The following RAB11FIP3 variants were observed in gnomAD, a reference collection of about 807,000 sequenced individuals.
The protein encoded by RAB11FIP3 is RAB11 family interacting protein 3.
Under a neutral mutation model 77.8 loss-of-function variants are expected in RAB11FIP3, and 17 were observed. That is an observed-to-expected ratio of 0.22 (90% confidence interval 0.15 to 0.33). The LOEUF (loss-of-function observed/expected upper bound fraction) is 0.33, where lower values mean the gene tolerates loss of function less well. RAB11FIP3 is among the 10% of genes least tolerant of loss of function. The pLI is 1.00. For synonymous variants in RAB11FIP3, 437 were observed against 448.2 expected, an observed-to-expected ratio of 0.98 and a Z score of 0.31; for missense variants, 1,005 against 1,011.2, an observed-to-expected ratio of 0.99 and a Z score of 0.08.
Position 432,910 on chromosome 16 carries a change from G to C in RAB11FIP3, c.714+6190G>C, listed in dbSNP as rs375084772. On this transcript the variant is annotated intron_variant, in intron 1 of 13. Coordinates refer to ENST00000262305, the MANE Select transcript of RAB11FIP3 (RefSeq NM_014700.4). ...TGAGCCATTGCCCCTAGCCTGAGCT[G>C]TTTCTTTTTAATTGATAGAAATATT... Among the ~76,000 whole-genome samples the C allele has an allele frequency of 4.1e-5, 6 of 146,602 alleles. No homozygotes were observed. The East Asian group carries it at 1.3e-3, about 31-fold the overall frequency.
chr16:461,362 T>A lies in RAB11FIP3; in HGVS notation c.715-42T>A. 1 of 1,545,910 alleles carries A rather than the reference T, an allele frequency of 6.5e-7. No individual in the cohort carries two copies. Among genetic ancestry groups the A allele is most frequent in the Non-Finnish European group, 8.9e-7 (1 of 1,126,892 alleles). Reference sequence around the variant, plus strand: ...GAGGTCCAGGGTTGGGGACCCCTGCTGTAAAGGCTTAGGGTAACCTAGTCT... The same window carrying A: ...GAGGTCCAGGGTTGGGGACCCCTGCAGTAAAGGCTTAGGGTAACCTAGTCT... On this transcript the variant is annotated intron_variant, in intron 1 of 13. Coordinates refer to ENST00000262305, the MANE Select transcript of RAB11FIP3 (RefSeq NM_014700.4). This position sits in a 1 kb window ranked among gnomAD's most constrained non-coding sequence, Gnocchi z 4.5.
chr16:447,991 AG>A (rs369284227), intron 1 of RAB11FIP3, among the ~76,000 whole-genome samples: 43 of 64,526 alleles, frequency 6.7e-4, no homozygotes, highest in East Asian at 1.1e-3. Context: ...AAAAGGAAAA[AG>A]AAAAAAAACT....
chr16:503,396 G>A lies in RAB11FIP3; in HGVS notation c.1395+299G>A, dbSNP rs188262494. On this transcript the variant is annotated intron_variant, in intron 7 of 13. Transcript: ENST00000262305. Reference sequence around the variant, plus strand: ...ATCCCACCCCCACTGTGTCTGAGTCGGGCTGGGGGACACCCAGACATTCAG... The same window carrying A: ...ATCCCACCCCCACTGTGTCTGAGTCAGGCTGGGGGACACCCAGACATTCAG... Among the ~76,000 whole-genome samples, 10 of 152,264 alleles carry A rather than the reference G, an allele frequency of 6.6e-5. No homozygotes were observed. The East Asian group carries it at 1.9e-3, about 29-fold the overall frequency.
At chr16:486,991 A>G (rs1458610767) in intron 4 of RAB11FIP3, among the ~76,000 whole-genome samples, 2 of 152,194 alleles carry the variant, frequency 1.3e-5, no homozygotes, top group Non-Finnish European at 2.9e-5. Flanking sequence ...ACGTAGCCTA[A>G]TTTTAGATGG....
At chr16:463,539 A>T (rs1415300779) in intron 2 of RAB11FIP3, among the ~76,000 whole-genome samples, 4 of 150,020 alleles carry the variant, frequency 2.7e-5, no homozygotes, top group Non-Finnish European at 5.9e-5. Flanking sequence ...CTCGGGTTCA[A>T]GCGATTCTCC....
chr16:488,458 G>A (rs938983762), intron 4 of RAB11FIP3, among the ~76,000 whole-genome samples: 1 of 152,088 alleles, frequency 6.6e-6, no homozygotes, highest in Non-Finnish European at 1.5e-5. Context: ...ACCCAGGCTG[G>A]AGTGTAGTGG....
intron 9 of RAB11FIP3, among the ~76,000 whole-genome samples, chr16:512,304 G>A (rs376864394): frequency 5.6e-4 from 85 of 152,038 alleles, no homozygotes; most frequent in East Asian, 3.7e-3. Flanking sequence ...GCAGTGGCGC[G>A]ATCTCGGCTC....
intron 9 of RAB11FIP3, among the ~76,000 whole-genome samples, chr16:513,311 C>G (rs2032267744): frequency 6.6e-6 from 1 of 152,154 alleles, no homozygotes; most frequent in African/African-American, 2.4e-5. Context: ...GCCTTGAACT[C>G]CCGGGCTCAA....
At position 518,967 on chromosome 16, in the gene RAB11FIP3, C is replaced by T. The variant is rs776030798; in HGVS notation, c.1665C>T (p.Asn555=). ...QTRLQQLDEE[N]SELRSCTPCL... Reference sequence around the variant, plus strand: ...GGCTACAGCAACTGGACGAGGAGAACAGTGAACTCCGGTCCTGCACGCCCT... The same window carrying T: ...GGCTACAGCAACTGGACGAGGAGAATAGTGAACTCCGGTCCTGCACGCCCT... The change falls in exon 10 of 14, where the codon AAC becomes AAT. Residue 555 remains asparagine (N), a synonymous_variant. Transcript: ENST00000262305. 1.2e-6 allele frequency: 2 copies of T among 1,613,724 alleles called. No homozygotes were observed. Among genetic ancestry groups the T allele is most frequent in the Non-Finnish European group, 1.7e-6 (2 of 1,180,008 alleles).
Position 462,813 on chromosome 16 carries a change from CT to C in RAB11FIP3, c.808+1318del, listed in dbSNP as rs142315879. Among the ~76,000 whole-genome samples, 624 of 149,328 alleles carry C rather than the reference CT, an allele frequency of 4.2e-3. 3 individuals carry two copies. The highest frequency in any genetic ancestry group is 0.015 in the African/African-American group (592 of 40,236). ...CACCATCCCTTCCCCAGCACCGTCC[CT>C]TCCCCAGCACGATCCCTTCCCCAGC... On this transcript the variant is annotated intron_variant, in intron 2 of 13. Coordinates refer to ENST00000262305, the MANE Select transcript of RAB11FIP3 (RefSeq NM_014700.4).
At chr16:439,255 G>C (rs758215208) in intron 1 of RAB11FIP3, 3 of 152,210 alleles carry the variant, frequency 2.0e-5, no homozygotes, top group African/African-American at 7.2e-5. Context: ...TTTGTGTCCA[G>C]ATATTTCATG....
chr16:490,996 A>C, intron 5 of RAB11FIP3: 1 of 796,940 alleles, frequency 1.3e-6, no homozygotes, highest in Non-Finnish European at 1.7e-6. Context: ...GAGCCAGAAC[A>C]TTGCACAGCT....
intron 6 of RAB11FIP3, among the ~76,000 whole-genome samples, chr16:499,971 G>A (rs1028774532): frequency 2.6e-5 from 4 of 152,122 alleles, no homozygotes; most frequent in East Asian, 3.8e-4. Flanking sequence ...AATAAACGTC[G>A]CGATTCGCTT....
chr16:496,561 G>T (rs1330306283), intron 5 of RAB11FIP3, among the ~76,000 whole-genome samples: 1 of 152,246 alleles, frequency 6.6e-6, no homozygotes, highest in Admixed American at 6.5e-5. Context: ...TGGCCTCTCA[G>T]TCGTGGTCTG....
At chr16:436,373 T>C (rs969563776) in intron 1 of RAB11FIP3, among the ~76,000 whole-genome samples, 1 of 152,158 alleles carries the variant, frequency 6.6e-6, no homozygotes, top group African/African-American at 2.4e-5. Flanking sequence ...GGTGTGATCA[T>C]GGTTCACTGC....
At chr16:438,690 A>ATT (rs34701607) in intron 1 of RAB11FIP3, among the ~76,000 whole-genome samples, 4,333 of 140,256 alleles carry the variant, frequency 0.031, 213 homozygotes, top group African/African-American at 0.097. Flanking sequence ...GGCCTTTTAA[A>ATT]TTTTTTTTTT....
chr16:439,868 G>A (rs1367796804), intron 1 of RAB11FIP3, among the ~76,000 whole-genome samples: 1 of 149,510 alleles, frequency 6.7e-6, no homozygotes, highest in Admixed American at 6.6e-5. Context: ...TTTTTGAGAC[G>A]GGGTCTCGCT....
intron 5 of RAB11FIP3, among the ~76,000 whole-genome samples, chr16:492,484 CCCTCCCGGGAGACCCGAGGCCGCCCAGGG>C (rs2030599074): frequency 9.5e-6 from 1 of 105,068 alleles, no homozygotes; most frequent in African/African-American, 3.2e-5. Context: ...CCGCCCAGGG[CCCTCCCGGGAGACCCGAGGCCGCCCAGGG>C]CCCTCCCGGG....
chr16:460,425 T>C (rs1409716194), intron 1 of RAB11FIP3, among the ~76,000 whole-genome samples: 1 of 151,982 alleles, frequency 6.6e-6, no homozygotes, highest in Non-Finnish European at 1.5e-5. Flanking sequence ...ATCAGCTGAG[T>C]ATTAAGCCCA....
Sources: allele counts gnomAD v4.1 joint callset (sites outside exome capture counted in the v4.1 genomes callset), GRCh38; gene constraint gnomAD v4.1.1; non-coding constraint Gnocchi (gnomAD v3.1); transcripts MANE v1.5; gene names NCBI Gene and HGNC (gene_info 2026-07-23, HGNC 2026-07-21).